Variants in TMEM222 observed in about 807,000 individuals in gnomAD.
TMEM222 encodes chromosome 1 open reading frame 160.
In TMEM222, 18 loss-of-function variants were observed where a neutral mutation model predicts 25.1. The ratio of observed to expected loss-of-function variants is 0.72; its 90% CI spans 0.50 to 1.06. The LOEUF (loss-of-function observed/expected upper bound fraction) is 1.06, where lower values mean the gene tolerates loss of function less well. Among genes scored for constraint, TMEM222 ranks in the 50% least tolerant of loss-of-function variants. The pLI, the probability that TMEM222 is intolerant of heterozygous loss-of-function variation, is 0.00. For missense variants in TMEM222, 296 were observed against 293.7 expected (o/e 1.01, Z -0.06); for synonymous variants, 131 against 117.9 (o/e 1.11, Z -0.72).
intron 5 of TMEM222, 121 bp downstream of exon 5, chr1:27,334,402 G>A: frequency 3.4e-6 from 5 of 1,478,918 alleles, no homozygotes; most frequent in Non-Finnish European, 9.1e-7. Flanking sequence ...GATGCCAGTT[G>A]GAGCCGTGGT....
intron 1 of TMEM222, among the ~76,000 whole-genome samples, chr1:27,326,612 C>G (rs2014357169): frequency 6.6e-6 from 1 of 152,112 alleles, no homozygotes; most frequent in Non-Finnish European, 1.5e-5. Flanking sequence ...CTGTCCTAAA[C>G]ATTGTATGTT....
chr1:27,325,776 G>T, intron 1 of TMEM222: 4 of 828,842 alleles, frequency 4.8e-6, no homozygotes, highest in Non-Finnish European at 8.6e-6. Flanking sequence ...CCCCTGTATC[G>T]TCCACCGCAA....
Position 27,332,670 on chromosome 1 carries a change from G to A in TMEM222, c.311+569G>A, listed in dbSNP as rs546809809. ...AGTGCCTCAGTCATCAGTGTCCTCAGGTGACCTGTTGCCCAAGGCTGCACT... is the reference window on the plus strand; with the variant it reads ...AGTGCCTCAGTCATCAGTGTCCTCAAGTGACCTGTTGCCCAAGGCTGCACT... On this transcript the variant is annotated intron_variant, in intron 3 of 5. Transcript: ENST00000374076. 5 of 629,646 alleles carry A rather than the reference G, an allele frequency of 7.9e-6. No individual in the cohort carries two copies. The African/African-American group carries it at 9.0e-5, about 11-fold the overall frequency. 39.0% of individuals were successfully genotyped at this position (629,646 alleles called of 1,614,324 possible). A position where few individuals can be genotyped will look rare whatever the true frequency, so the allele number is the denominator to read the frequency against.
At chr1:27,327,972 C>G (rs1401717367) in intron 1 of TMEM222, among the ~76,000 whole-genome samples, 1 of 152,212 alleles carries the variant, frequency 6.6e-6, no homozygotes, top group Non-Finnish European at 1.5e-5. Flanking sequence ...TAGTGAGTTG[C>G]AGCTATATAC....
At position 27,334,022 on chromosome 1, in the gene TMEM222, C is replaced by T. The variant is rs1212594552; in HGVS notation, c.376C>T (p.His126Tyr). 6.2e-7 allele frequency: 1 copy of T among 1,614,176 alleles called. No homozygotes were observed. The highest frequency in any genetic ancestry group is 8.5e-7 in the Non-Finnish European group (1 of 1,180,026). Residue 126 changes from histidine to tyrosine, a missense_variant, in exon 4 of 6, where the codon CAC becomes TAC. Physicochemically the swap from His to Tyr is moderately conservative, Grantham distance 83. Transcript: ENST00000374076. The stretch of plus-strand genomic sequence containing the variant: ...GCCCAACGCATGGGACACGGCTGTG[C>T]ACGACGCCTCTGAGGAGTACAAGCA... Reference protein sequence around the residue: ...SGPNAWDTAVHDASEEYKHRM... With the variant: ...SGPNAWDTAVYDASEEYKHRM...
chr1:27,329,649 A>G (rs2148015687), intron 1 of TMEM222, among the ~76,000 whole-genome samples: 1 of 152,308 alleles, frequency 6.6e-6, no homozygotes, highest in Admixed American at 6.5e-5. Flanking sequence ...GTTTTTATCA[A>G]TTTTATTGAA....
intron 1 of TMEM222, chr1:27,325,441 C>T (rs552499722): frequency 4.8e-5 from 60 of 1,239,664 alleles, no homozygotes; most frequent in South Asian, 1.9e-4. Flanking sequence ...TTCCAGTGTC[C>T]GGAGGCGCTG....
chr1:27,331,969 C>A, intron 2 of TMEM222, 101 bp from the exon 3 acceptor site: 2 of 1,216,448 alleles, frequency 1.6e-6, no homozygotes, highest in Non-Finnish European at 1.2e-6. Flanking sequence ...CCACCCCTGA[C>A]ATACCCTCTT....
intron 2 of TMEM222, among the ~76,000 whole-genome samples, 183 bp from the exon 3 acceptor site, chr1:27,331,887 G>A (rs1002494678): frequency 7.9e-5 from 12 of 152,252 alleles, no homozygotes; most frequent in African/African-American, 2.7e-4. Context: ...CCTTCTTCCT[G>A]CAGAACAGCT....
chr1:27,323,805 T>C (rs2014271086), intron 1 of TMEM222, among the ~76,000 whole-genome samples: 1 of 152,066 alleles, frequency 6.6e-6, no homozygotes, highest in Admixed American at 6.6e-5. Context: ...CTTAGGAAAA[T>C]GTGCACATTA....
chr1:27,325,754 T>C (rs1279092569), intron 1 of TMEM222: 22 of 861,034 alleles, frequency 2.6e-5, no homozygotes, highest in Non-Finnish European at 4.5e-5. Context: ...AGCAGGAGTA[T>C]GACGAGTCAG....
Position 27,334,246 on chromosome 1 carries a change from C to T in TMEM222, c.504C>T (p.Leu168=). The part of the protein sequence containing the change: ...NNSTNWNMVT[L]CFFCLLYGKY... ...GCACCAACTGGAATATGGTGACGCTCTGCTTCTTCTGCCTGCTCTACGGGA... is the reference window on the plus strand; with the variant it reads ...GCACCAACTGGAATATGGTGACGCTTTGCTTCTTCTGCCTGCTCTACGGGA... Residue 168 remains leucine, a synonymous_variant, in exon 5 of 6, where the codon CTC becomes CTT. Transcript: ENST00000374076. 2 of 1,614,244 alleles carry T rather than the reference C, an allele frequency of 1.2e-6. No individual in the cohort carries two copies. Among genetic ancestry groups the T allele is most frequent in the Non-Finnish European group, 1.7e-6 (2 of 1,180,040 alleles).
At chr1:27,331,174 C>G in intron 2 of TMEM222, 2 of 1,112,084 alleles carry the variant, frequency 1.8e-6, no homozygotes, top group Non-Finnish European at 2.2e-6. Context: ...GAGGCTGATT[C>G]GGTTCCCTGG....
intron 1 of TMEM222, among the ~76,000 whole-genome samples, chr1:27,330,501 T>TA (rs1168290292): frequency 2.0e-5 from 3 of 152,178 alleles, no homozygotes; most frequent in Admixed American, 2.0e-4. Context: ...TCGTTTGAGT[T>TA]ACAGCCATCC....
In TMEM222 at chr1:27,332,052, G is replaced by A; in HGVS notation, c.280-18G>A. 6.2e-7 allele frequency: 1 copy of A among 1,614,202 alleles called. No homozygotes were observed. Among genetic ancestry groups the A allele is most frequent in the Non-Finnish European group, 8.5e-7 (1 of 1,180,030 alleles). The stretch of plus-strand genomic sequence containing the variant: ...AAATGTAAGTTCCTCACTGACCTCT[G>A]CTTTTGTCCCTCAACAGGAGGACAA... On this transcript the variant is annotated intron_variant, in intron 2 of 5. Transcript: ENST00000374076.
At chr1:27,328,399 G>A (rs1414340667) in intron 1 of TMEM222, among the ~76,000 whole-genome samples, 4 of 152,178 alleles carry the variant, frequency 2.6e-5, no homozygotes, top group African/African-American at 9.7e-5. Flanking sequence ...TATTATAAGT[G>A]TAGTAGGAAG....
chr1:27,332,449 T>G, intron 3 of TMEM222: 1 of 718,138 alleles, frequency 1.4e-6, no homozygotes, highest in South Asian at 1.5e-5. Context: ...CCCTCTAGAC[T>G]CACTCTCCTG....
chr1:27,332,023 G>T lies in TMEM222; in HGVS notation c.280-47G>T, dbSNP rs369381557. On this transcript the variant is annotated intron_variant, in intron 2 of 5. Transcript: ENST00000374076. ...GCCACCTACCCAGGTTTGTCATCTG[G>T]CCCAAATGTAAGTTCCTCACTGACC... The T allele has an allele frequency of 5.1e-5, 83 of 1,612,948 alleles. No individual in the cohort carries two copies. The African/African-American group carries it at 1.1e-3, about 20-fold the overall frequency.
At chr1:27,333,931 G>C (rs775966951) in intron 3 of TMEM222, 27 bp from the exon 4 acceptor site, 1 of 1,603,600 alleles carries the variant, frequency 6.2e-7, no homozygotes, top group East Asian at 2.2e-5. Context: ...AGCCAAGCAA[G>C]TGTCCAGAGC....
Sources: allele counts gnomAD v4.1 joint callset (sites outside exome capture counted in the v4.1 genomes callset), GRCh38; gene constraint gnomAD v4.1.1; transcripts MANE v1.5; gene names NCBI Gene and HGNC (gene_info 2026-07-23, HGNC 2026-07-21).